The following LMO3 variants were observed in gnomAD, a reference collection of about 807,000 sequenced individuals.
LMO3 encodes the protein LIM domain only 3.
LMO3 carries 2 observed loss-of-function variants against 15.8 expected under a neutral mutation model. The ratio of observed to expected loss-of-function variants is 0.13; its 90% confidence interval spans 0.05 to 0.40. The LOEUF is 0.40. Ranked by LOEUF, LMO3 falls within the 10% of genes least tolerant of loss-of-function variation. LMO3 has a pLI of 0.99. For missense variants in LMO3, 86 were observed against 182.2 expected, an observed-to-expected ratio of 0.47 and a Z score of 3.04; for synonymous variants, 62 against 63.8, an observed-to-expected ratio of 0.97 and a Z score of 0.13.
Position 16,603,429 on chromosome 12 carries a change from A to T in LMO3, c.-8-2561T>A, listed in dbSNP as rs1427474296. On this transcript the variant is annotated intron_variant, in intron 1 of 3. Transcript: ENST00000537304. This position sits in a 1 kb window ranked among gnomAD's most constrained non-coding sequence, Gnocchi z 4.9. Reference sequence around the variant, plus strand: ...AGTCAGCAGTCTCCCCTCTTCCACCAGAAGAACATGTCTGGGTAGAGTTAC... The same window carrying T: ...AGTCAGCAGTCTCCCCTCTTCCACCTGAAGAACATGTCTGGGTAGAGTTAC... Among the ~76,000 whole-genome samples the T allele has an allele frequency of 6.6e-6, 1 of 152,210 alleles. No individual in the cohort carries two copies. The highest frequency in any genetic ancestry group is 2.1e-4 in the South Asian group (1 of 4,834).
At chr12:16,575,960 G>A (rs1942982358) in intron 2 of LMO3, among the ~76,000 whole-genome samples, 1 of 152,072 alleles carries the variant, frequency 6.6e-6, no homozygotes, top group Non-Finnish European at 1.5e-5. Context: ...AGTCCCTCGA[G>A]CCACAGGTCT....
At chr12:16,577,225 C>T (rs924759293) in intron 2 of LMO3, among the ~76,000 whole-genome samples, 2 of 152,160 alleles carry the variant, frequency 1.3e-5, no homozygotes, top group African/African-American at 4.8e-5. Flanking sequence ...CTTAGGCAGA[C>T]AGTCAGAAGG....
At chr12:16,605,245 C>T in intron 1 of LMO3, 1 of 1,280,842 alleles carries the variant, frequency 7.8e-7, no homozygotes, top group Non-Finnish European at 9.9e-7. Context: ...TAAACTGTCA[C>T]ATGCAGCGTT....
rs1591777249 is a variant in LMO3, at chr12:16,560,937, T to G, written c.207-399A>C. ...GGAAAGGAACCAACTAATGAATGAT[T>G]CACTACTTTTTGACATTTAGTTACT... On this transcript the variant is annotated intron_variant, in intron 2 of 3. Coordinates refer to ENST00000537304, the MANE Select transcript of LMO3 (RefSeq NM_018640.5). This position sits in a 1 kb window ranked among gnomAD's most constrained non-coding sequence, Gnocchi z 5.0. 5.3e-6 allele frequency: 1 copy of G among 187,270 alleles called. No individual in the cohort carries two copies. Among genetic ancestry groups the G allele is most frequent in the Non-Finnish European group, 1.1e-5 (1 of 87,606 alleles). The allele number at this position is 187,270 out of a possible 1,614,324, so 11.6% of individuals were successfully genotyped here. A position where few individuals can be genotyped will look rare whatever the true frequency, so the allele number is the denominator to read the frequency against.
At chr12:16,571,928 T>A (rs1942824719) in intron 2 of LMO3, among the ~76,000 whole-genome samples, 1 of 152,040 alleles carries the variant, frequency 6.6e-6, no homozygotes, top group Non-Finnish European at 1.5e-5. Flanking sequence ...ACACATTTTT[T>A]AAATTTGTGA....
At chr12:16,578,103 A>T (rs992648408) in intron 2 of LMO3, among the ~76,000 whole-genome samples, 2 of 152,080 alleles carry the variant, frequency 1.3e-5, no homozygotes, top group Non-Finnish European at 2.9e-5. Context: ...ACGGCACCTC[A>T]TCGCCTCCCA....
chr12:16,594,342 A>G, intron 2 of LMO3: 1 of 1,364,804 alleles, frequency 7.3e-7, no homozygotes, highest in South Asian at 1.7e-5. Context: ...AAACTAAAAA[A>G]TAAAAAAGAA....
rs1349128639 is a variant in LMO3, at chr12:16,589,102, G to A, written c.206+11553C>T. Among the ~76,000 whole-genome samples, 1 of 152,094 alleles carries A rather than the reference G, an allele frequency of 6.6e-6. No individual in the cohort carries two copies. Among genetic ancestry groups the A allele is most frequent in the East Asian group, 1.9e-4 (1 of 5,190 alleles). On this transcript the variant is annotated intron_variant, in intron 2 of 3. Transcript: ENST00000537304. The surrounding 1 kb of genome is among the most constrained non-coding windows in gnomAD (Gnocchi z 4.2). ...TCAGGTCTGGATACCTCACCGTGATGCAACCTGACATGCCTCTAAGATCTA... is the reference window on the plus strand; with the variant it reads ...TCAGGTCTGGATACCTCACCGTGATACAACCTGACATGCCTCTAAGATCTA...
In LMO3 at chr12:16,591,426, TCTC is replaced by T. The variant is rs768120825; in HGVS notation, c.206+9226_206+9228del. On this transcript the variant is annotated intron_variant, in intron 2 of 3. Transcript: ENST00000537304. The surrounding 1 kb of genome is among the most constrained non-coding windows in gnomAD (Gnocchi z 4.1). ...ACAAACCTCTTGTACTGCTTCATTT[TCTC>T]CTCATTGTGTTTATCATCTCCTCAT... 1.3e-5 allele frequency among the ~76,000 whole-genome samples: 2 copies of T among 152,038 alleles called. No homozygotes were observed. The highest frequency in any genetic ancestry group is 2.9e-5 in the Non-Finnish European group (2 of 67,964).
rs1943357230 is a variant in LMO3, at chr12:16,587,491, CA to C, written c.206+13163del. On this transcript the variant is annotated intron_variant, in intron 2 of 3. Transcript: ENST00000537304. The surrounding 1 kb of genome is among the most constrained non-coding windows in gnomAD (Gnocchi z 4.3). Reference sequence around the variant, plus strand: ...TTTCTTTTACTTTGCCTACTACTAGCAAATAAACTGTGCCTCTTTTTTAAAT... The same window carrying C: ...TTTCTTTTACTTTGCCTACTACTAGCAATAAACTGTGCCTCTTTTTTAAAT... Among the ~76,000 whole-genome samples, 1 of 152,074 alleles carries C rather than the reference CA, an allele frequency of 6.6e-6. No individual in the cohort carries two copies. The highest frequency in any genetic ancestry group is 2.4e-5 in the African/African-American group (1 of 41,412).
upstream of LMO3, among the ~76,000 whole-genome samples, chr12:16,608,895 T>G (rs1366231065): frequency 6.6e-6 from 1 of 152,208 alleles, no homozygotes; most frequent in Non-Finnish European, 1.5e-5. This position sits in a 1 kb window ranked among gnomAD's most constrained non-coding sequence, Gnocchi z 4.1. Flanking sequence ...TTCTTTTCAT[T>G]ATGACTGATG....
At chr12:16,583,505 G>A (rs866485369) in intron 2 of LMO3, among the ~76,000 whole-genome samples, 14 of 152,250 alleles carry the variant, frequency 9.2e-5, no homozygotes, top group South Asian at 2.1e-4. Context: ...GAATACTGGA[G>A]GGAATGGAGC....
intron 1 of LMO3, among the ~76,000 whole-genome samples, chr12:16,602,951 CTAT>C (rs1943871243): frequency 6.6e-6 from 1 of 150,794 alleles, no homozygotes; most frequent in South Asian, 2.1e-4. Flanking sequence ...ATTTGTAAGG[CTAT>C]TATTTTTATT....
intron 2 of LMO3, among the ~76,000 whole-genome samples, chr12:16,563,049 C>T (rs989888990): frequency 3.3e-5 from 5 of 152,164 alleles, no homozygotes; most frequent in East Asian, 1.9e-4. Flanking sequence ...TCTTCTTCCA[C>T]GCACTTTCCC....
At chr12:16,581,075 G>A (rs1459778346) in intron 2 of LMO3, among the ~76,000 whole-genome samples, 1 of 152,076 alleles carries the variant, frequency 6.6e-6, no homozygotes, top group Admixed American at 6.6e-5. Context: ...AAATAGTTAG[G>A]TACAAGAAAA....
chr12:16,579,722 T>C (rs767218611), intron 2 of LMO3, among the ~76,000 whole-genome samples: 6 of 152,204 alleles, frequency 3.9e-5, no homozygotes, highest in Non-Finnish European at 5.9e-5. Flanking sequence ...AAAATTTTTA[T>C]CTTGTTTTTC....
At chr12:16,554,422 T>A (rs1047632986) in intron 3 of LMO3, among the ~76,000 whole-genome samples, 2 of 152,200 alleles carry the variant, frequency 1.3e-5, no homozygotes, top group Non-Finnish European at 2.9e-5. Context: ...ACATCTTCAG[T>A]TAACTGTAAG....
chr12:16,551,372 T>C, intron 3 of LMO3, 45 bp from the exon 4 acceptor site: 3 of 1,123,642 alleles, frequency 2.7e-6, no homozygotes, highest in Middle Eastern at 3.9e-4. Flanking sequence ...ACCATTTCAC[T>C]TGGATCTAGA....
chr12:16,596,142 G>A lies in LMO3; in HGVS notation c.206+4513C>T, dbSNP rs545592010. Among the ~76,000 whole-genome samples, 5 of 151,510 alleles carry A rather than the reference G, an allele frequency of 3.3e-5. No individual in the cohort carries two copies. In the East Asian group the frequency reaches 7.7e-4, roughly 23 times the overall value. The stretch of plus-strand genomic sequence containing the variant: ...GAGATAAAGTTACAGCTAGATTTAT[G>A]CCCTATGTGGCAATTTATTTTTATT... On this transcript the variant is annotated intron_variant, in intron 2 of 3. Transcript: ENST00000537304. This position sits in a 1 kb window ranked among gnomAD's most constrained non-coding sequence, Gnocchi z 4.3.
Sources: allele counts gnomAD v4.1 joint callset (sites outside exome capture counted in the v4.1 genomes callset), GRCh38; gene constraint gnomAD v4.1.1; non-coding constraint Gnocchi (gnomAD v3.1); transcripts MANE v1.5; gene names NCBI Gene and HGNC (gene_info 2026-07-23, HGNC 2026-07-21).